The following KCTD1 variants were observed in gnomAD, a reference collection of about 807,000 sequenced individuals.
The protein encoded by KCTD1 is potassium channel tetramerization domain containing 1, also known as BTB/POZ domain-containing protein KCTD1.
Under a neutral mutation model 66.0 loss-of-function variants are expected in KCTD1, and 24 were observed. That is an observed-to-expected ratio of 0.36 (90% CI 0.26 to 0.51). KCTD1 has a LOEUF of 0.51. Ranked by LOEUF, KCTD1 falls within the 20% of genes least tolerant of loss-of-function variation. KCTD1 has a pLI of 0.95. For synonymous variants in KCTD1, 511 were observed against 517.2 expected (o/e 0.99, Z 0.16); for missense variants, 943 against 1,205.2 (o/e 0.78, Z 3.22).
At chr18:26,550,591 C>CAT (rs1379313182), upstream of KCTD1, among the ~76,000 whole-genome samples, 1 of 151,706 alleles carries the variant, frequency 6.6e-6, no homozygotes, top group African/African-American at 2.4e-5. The surrounding 1 kb of genome is among the most constrained non-coding windows in gnomAD (Gnocchi z 5.4). Context: ...CACACACACA[C>CAT]ACACACACAC....
chr18:26,549,079 C>T, upstream of KCTD1: 1 of 985,140 alleles, frequency 1.0e-6, no homozygotes, highest in South Asian at 4.7e-5. Flanking sequence ...CCGCGGGAAA[C>T]CCGTGTCTGG....
intron 1 of KCTD1, among the ~76,000 whole-genome samples, chr18:26,522,539 G>T (rs1303784924): frequency 1.3e-5 from 2 of 152,080 alleles, no homozygotes; most frequent in Non-Finnish European, 2.9e-5. Flanking sequence ...TTGTTATGGT[G>T]GTCCTAGGAA....
rs1288871736 is a variant in KCTD1 at position 26,532,271 on chromosome 18, T to C, written c.1809+14457A>G. Reference sequence around the variant, plus strand: ...TTCTTTTCTTTCCTTCTTTTTTTTTTTTTTTTTTTTTTTTTTGAGACAGGG... The same window carrying C: ...TTCTTTTCTTTCCTTCTTTTTTTTTCTTTTTTTTTTTTTTTTGAGACAGGG... On this transcript the variant is annotated intron_variant, in intron 1 of 4. Coordinates refer to ENST00000580059, the MANE Select transcript of KCTD1 (RefSeq NM_001142730.3). 8.5e-4 allele frequency among the ~76,000 whole-genome samples: 48 copies of C among 56,188 alleles called. 1 individual carries two copies. Among genetic ancestry groups the C allele is most frequent in the East Asian group, 4.5e-3 (4 of 886 alleles). 36.9% of individuals were successfully genotyped at this position (56,188 alleles called of 152,430 possible).
chr18:26,567,629 A>G (rs1986014438), intron 1 of KCTD1, among the ~76,000 whole-genome samples: 1 of 151,886 alleles, frequency 6.6e-6, no homozygotes, highest in Admixed American at 6.6e-5. Context: ...GTGGGATTAC[A>G]GGCATGCACC....
At chr18:26,619,541 G>GT (rs923997349) in intron 1 of KCTD1, among the ~76,000 whole-genome samples, 3 of 152,286 alleles carry the variant, frequency 2.0e-5, no homozygotes, top group African/African-American at 7.2e-5. Context: ...TCAGCATGTG[G>GT]TTTTGTGTAG....
chr18:26,582,849 T>C lies in KCTD1; in HGVS notation c.-16+46298A>G, dbSNP rs988729693. On this transcript the variant is annotated intron_variant, in intron 1 of 4. Coordinates refer to the KCTD1 transcript ENST00000317932. Reference sequence around the variant, plus strand: ...TTTATATGGAGTTCTTTGCATAGACTATCTTTAGAAAAATACAGAAGAAAC... The same window carrying C: ...TTTATATGGAGTTCTTTGCATAGACCATCTTTAGAAAAATACAGAAGAAAC... 1.8e-4 allele frequency among the ~76,000 whole-genome samples: 27 copies of C among 152,222 alleles called. 1 individual carries two copies. The highest frequency in any genetic ancestry group is 6.8e-3 in the Middle Eastern group (2 of 294).
At chr18:26,594,929 C>T (rs1197257789) in intron 1 of KCTD1, among the ~76,000 whole-genome samples, 1 of 152,086 alleles carries the variant, frequency 6.6e-6, no homozygotes, top group Non-Finnish European at 1.5e-5. Flanking sequence ...TAGCAGCCCT[C>T]ATAATTATGT....
chr18:26,456,734 CT>C (rs1448296106), intron 4 of KCTD1: 22 of 152,030 alleles, frequency 1.4e-4, no homozygotes, highest in Admixed American at 9.8e-4. Context: ...ATGTCTGACA[CT>C]GTTAAATGCA....
chr18:26,522,877 G>C (rs1221764714), intron 1 of KCTD1, among the ~76,000 whole-genome samples: 1 of 151,968 alleles, frequency 6.6e-6, no homozygotes, highest in African/African-American at 2.4e-5. Context: ...TCAGTAATTT[G>C]GTCAAGTCAC....
upstream of KCTD1, chr18:26,548,600 A>C (rs1985396586): frequency 8.4e-7 from 1 of 1,190,490 alleles, no homozygotes; most frequent in South Asian, 4.2e-5. Context: ...CAGCGCTGAG[A>C]GCTTTTGTGT....
chr18:26,519,692 TAAAC>T (rs1226922734), intron 1 of KCTD1, among the ~76,000 whole-genome samples: 3 of 152,228 alleles, frequency 2.0e-5, no homozygotes, highest in Non-Finnish European at 2.9e-5. Context: ...ATTAAAATGT[TAAAC>T]AAATTAAGCA....
upstream of KCTD1, among the ~76,000 whole-genome samples, chr18:26,630,344 G>T (rs149253810): frequency 3.8e-3 from 579 of 152,156 alleles, 1 homozygote; most frequent in African/African-American, 0.013. Context: ...TAGAGGTAAG[G>T]TCTCACTGTC....
chr18:26,471,953 C>A (rs565234342), intron 3 of KCTD1, among the ~76,000 whole-genome samples: 1 of 152,072 alleles, frequency 6.6e-6, no homozygotes, highest in Non-Finnish European at 1.5e-5. Context: ...ATTCGCGATG[C>A]GTCCAGGAGG....
At chr18:26,589,361 A>G (rs1484395270) in intron 1 of KCTD1, among the ~76,000 whole-genome samples, 1 of 152,166 alleles carries the variant, frequency 6.6e-6, no homozygotes, top group Non-Finnish European at 1.5e-5. Context: ...CTTTCCACGA[A>G]TGGTCTTGTT....
intron 3 of KCTD1, among the ~76,000 whole-genome samples, chr18:26,467,681 G>A (rs1165674191): frequency 3.9e-5 from 6 of 151,974 alleles, no homozygotes; most frequent in Admixed American, 1.3e-4. Flanking sequence ...TGGGCATGGT[G>A]GGGGGTGCCT....
At chr18:26,507,294 G>C (rs1983091968) in intron 1 of KCTD1, among the ~76,000 whole-genome samples, 1 of 152,142 alleles carries the variant, frequency 6.6e-6, no homozygotes, top group Non-Finnish European at 1.5e-5. Context: ...CTTAATATTT[G>C]GAAGCCCAAA....
At chr18:26,653,115 T>C (rs1041631042) in intron 1 of KCTD1, among the ~76,000 whole-genome samples, 32 of 152,326 alleles carry the variant, frequency 2.1e-4, no homozygotes, top group African/African-American at 7.5e-4. Context: ...CTCTGACCAC[T>C]TCCCAGAGTG....
intron 1 of KCTD1, among the ~76,000 whole-genome samples, chr18:26,651,400 G>A (rs1034326079): frequency 6.6e-6 from 1 of 152,182 alleles, no homozygotes; most frequent in African/African-American, 2.4e-5. Flanking sequence ...TCAGGAAACG[G>A]ATATAACCTT....
intron 4 of KCTD1, chr18:26,456,642 T>C (rs1375422740): frequency 2.6e-5 from 4 of 152,214 alleles, no homozygotes; most frequent in Non-Finnish European, 5.9e-5. Flanking sequence ...AAACTTCTTA[T>C]ACAAATGTAA....
Sources: gnomAD v4.1 joint callset for allele counts (sites outside exome capture counted in the v4.1 genomes callset) on GRCh38, gnomAD v4.1.1 for gene constraint, Gnocchi (gnomAD v3.1) non-coding constraint, MANE v1.5 for transcripts, NCBI Gene and HGNC (gene_info 2026-07-23, HGNC 2026-07-21) for gene names.